LRP1B: variants seen among roughly 807,000 people sequenced by gnomAD.
LRP1B encodes the protein LDL receptor related protein 1B.
LRP1B carries 217 observed loss-of-function variants against 556.6 expected under a neutral mutation model. The ratio of observed to expected loss-of-function variants is 0.39; its 90% CI spans 0.35 to 0.44. The LOEUF (loss-of-function observed/expected upper bound fraction) is 0.44, where lower values mean the gene tolerates loss of function less well. Ranked by LOEUF, LRP1B falls within the 20% of genes least tolerant of loss-of-function variation. The pLI, the probability that LRP1B is intolerant of heterozygous loss-of-function variation, is 1.00. For missense variants in LRP1B, 5,053 were observed against 5,620.8 expected, an observed-to-expected ratio of 0.90 and a Z score of 3.23; for synonymous variants, 2,047 against 1,865.8, an observed-to-expected ratio of 1.10 and a Z score of -2.50.
chr2:140,844,545 A>T (rs1692218580), intron 29 of LRP1B, among the ~76,000 whole-genome samples: 1 of 152,086 alleles, frequency 6.6e-6, no homozygotes, highest in Admixed American at 6.6e-5. Context: ...GGGTGGAATA[A>T]AAATCGTTAT....
chr2:141,166,037 G>T (rs1178404004), intron 7 of LRP1B, among the ~76,000 whole-genome samples: 3 of 151,916 alleles, frequency 2.0e-5, no homozygotes, highest in African/African-American at 7.2e-5. Flanking sequence ...ACTATTGAAA[G>T]AGGCTCCCCA....
chr2:140,644,614 T>C (rs1406331739), intron 41 of LRP1B, among the ~76,000 whole-genome samples: 1 of 152,106 alleles, frequency 6.6e-6, no homozygotes, highest in African/African-American at 2.4e-5. Flanking sequence ...GTTCTCATTA[T>C]GCTGCCCAGG....
intron 9 of LRP1B, among the ~76,000 whole-genome samples, chr2:141,055,727 A>G (rs1051194591): frequency 4.6e-5 from 7 of 151,766 alleles, no homozygotes; most frequent in Non-Finnish European, 7.4e-5. Flanking sequence ...TTATATATAC[A>G]CTGTTGAGAA....
At chr2:140,898,952 T>C in intron 23 of LRP1B, 1 of 377,134 alleles carries the variant, frequency 2.7e-6, no homozygotes, top group South Asian at 2.2e-5. Flanking sequence ...TGTCCTTGCC[T>C]TAAAATTCTT....
chr2:140,642,801 G>A (rs539598364), intron 41 of LRP1B, among the ~76,000 whole-genome samples: 5 of 152,228 alleles, frequency 3.3e-5, no homozygotes, highest in Admixed American at 2.0e-4. Flanking sequence ...CCGAGATCGC[G>A]CCACTGCCCT....
At chr2:141,912,789 A>C (rs80124166) in intron 1 of LRP1B, among the ~76,000 whole-genome samples, 2,180 of 152,290 alleles carry the variant, frequency 0.014, 32 homozygotes, top group Middle Eastern at 0.041. Flanking sequence ...AATCTGTACA[A>C]ATAAACATTG....
At chr2:141,892,142 T>G (rs1699310917) in intron 1 of LRP1B, among the ~76,000 whole-genome samples, 1 of 151,830 alleles carries the variant, frequency 6.6e-6, no homozygotes, top group Non-Finnish European at 1.5e-5. Flanking sequence ...GATATATAAA[T>G]TATTCCACTG....
chr2:141,777,260 G>T (rs1695108961), intron 2 of LRP1B, among the ~76,000 whole-genome samples: 1 of 152,098 alleles, frequency 6.6e-6, no homozygotes, highest in South Asian at 2.1e-4. Flanking sequence ...ATTTTAAAAT[G>T]AATAAAGAAA....
At chr2:141,447,801 G>A (rs996701494) in intron 3 of LRP1B, among the ~76,000 whole-genome samples, 1 of 152,120 alleles carries the variant, frequency 6.6e-6, no homozygotes, top group African/African-American at 2.4e-5. Context: ...GTCCCAGAAG[G>A]CCAACTGCCA....
chr2:140,297,963 G>T lies in LRP1B; in HGVS notation c.12812C>A (p.Pro4271His), dbSNP rs1683674700. ...GTCVPSVLGR[P>H]TCSCALGFTG... The stretch of plus-strand genomic sequence containing the variant: ...GAAACCCAGTGCACAGCTGCAGGTG[G>T]GTCTCCCTATTGGAAACAATAAGTA... The change falls in exon 84 of 91, where the codon CCC becomes CAC. Residue 4271 changes from proline (P) to histidine (H), a missense_variant. This residue lies in a region of LRP1B where 551 missense variants were observed against 592.0 expected (regional missense o/e 0.93). Transcript: ENST00000389484. 2 of 1,601,942 alleles carry T rather than the reference G, an allele frequency of 1.2e-6. No homozygotes were observed. The highest frequency in any genetic ancestry group is 1.7e-6 in the Non-Finnish European group (2 of 1,171,926).
chr2:141,765,950 G>T (rs979060298), intron 2 of LRP1B, among the ~76,000 whole-genome samples: 1 of 152,076 alleles, frequency 6.6e-6, no homozygotes, highest in Non-Finnish European at 1.5e-5. Context: ...ATGATGTACC[G>T]AGTTAATGTC....
chr2:141,408,881 G>C (rs1383286760), intron 3 of LRP1B, among the ~76,000 whole-genome samples: 1 of 152,016 alleles, frequency 6.6e-6, no homozygotes, highest in African/African-American at 2.4e-5. Context: ...TGAGATTTAT[G>C]TGTGTAATAA....
At chr2:141,283,483 G>A (rs1341140841) in intron 3 of LRP1B, among the ~76,000 whole-genome samples, 1 of 151,970 alleles carries the variant, frequency 6.6e-6, no homozygotes, top group African/African-American at 2.4e-5. Context: ...ACTATGTTAA[G>A]GAGTTTAGAA....
chr2:141,587,492 C>T (rs1281799979), intron 2 of LRP1B, among the ~76,000 whole-genome samples: 4 of 152,120 alleles, frequency 2.6e-5, no homozygotes, highest in Non-Finnish European at 5.9e-5. Flanking sequence ...TAACTATACA[C>T]CAAATAGAGA....
intron 2 of LRP1B, among the ~76,000 whole-genome samples, chr2:141,746,060 A>G (rs895239273): frequency 6.6e-6 from 1 of 151,964 alleles, no homozygotes; most frequent in African/African-American, 2.4e-5. Context: ...CCTCTCCCCA[A>G]GAGGAAGGAA....
chr2:141,807,452 C>T (rs1378718682), intron 2 of LRP1B, among the ~76,000 whole-genome samples: 2 of 151,888 alleles, frequency 1.3e-5, no homozygotes, highest in African/African-American at 2.4e-5. Context: ...TTCAGTGTTG[C>T]CTTTAAGGAT....
chr2:140,605,954 C>T (rs1227818895), intron 41 of LRP1B, among the ~76,000 whole-genome samples: 3 of 152,024 alleles, frequency 2.0e-5, no homozygotes, highest in East Asian at 1.9e-4. Context: ...CAAACATGTC[C>T]ACTTTTGCCT....
intron 35 of LRP1B, among the ~76,000 whole-genome samples, chr2:140,747,144 T>C (rs1269090221): frequency 2.6e-5 from 4 of 152,126 alleles, no homozygotes; most frequent in Admixed American, 2.6e-4. Flanking sequence ...AGCATCAATA[T>C]TGCTCGTGAA....
rs936352681 is a variant in LRP1B, at chr2:140,473,305, C to A, written c.9625+1833G>T. ...TCAGGAGAAAATATTCTGAAGGCTGCAACTCTACTTTTCTTCCCATTTAAG... is the reference window on the plus strand; with the variant it reads ...TCAGGAGAAAATATTCTGAAGGCTGAAACTCTACTTTTCTTCCCATTTAAG... On this transcript the variant is annotated intron_variant, in intron 60 of 90. Coordinates refer to ENST00000389484, the MANE Select transcript of LRP1B (RefSeq NM_018557.3). 7.9e-5 allele frequency among the ~76,000 whole-genome samples: 12 copies of A among 152,078 alleles called. No individual in the cohort carries two copies. In the East Asian group the frequency reaches 1.9e-3, roughly 24 times the overall value.
Sources: gnomAD v4.1 joint callset for allele counts (sites outside exome capture counted in the v4.1 genomes callset) on GRCh38, gnomAD v4.1.1 for gene constraint, gnomAD v4.1.1 regional missense constraint, MANE v1.5 for transcripts, NCBI Gene and HGNC (gene_info 2026-07-23, HGNC 2026-07-21) for gene names.